Variants in VPS54 observed in about 807,000 individuals in gnomAD.
VPS54 encodes VPS54 subunit of GARP complex.
A neutral mutation model predicts 121.5 loss-of-function variants in VPS54; 45 were observed. That is an observed-to-expected ratio of 0.37 (90% CI 0.29 to 0.47). The LOEUF is 0.47. VPS54 is among the 20% of genes least tolerant of loss of function. The pLI, the probability that VPS54 is intolerant of heterozygous loss-of-function variation, is 0.99. For missense variants in VPS54, 1,090 were observed against 1,131.4 expected, an observed-to-expected ratio of 0.96 and a Z score of 0.52; for synonymous variants, 371 against 385.8, an observed-to-expected ratio of 0.96 and a Z score of 0.45.
Position 63,921,340 on chromosome 2 carries a change from A to G in VPS54, c.1740-5T>C, listed in dbSNP as rs370054292. 2 of 1,610,556 alleles carry G rather than the reference A, an allele frequency of 1.2e-6. No individual in the cohort carries two copies. Among genetic ancestry groups the G allele is most frequent in the Non-Finnish European group, 1.7e-6 (2 of 1,178,150 alleles). On this transcript the variant is annotated splice_polypyrimidine_tract_variant and splice_region_variant and intron_variant, in intron 12 of 22. Transcript: ENST00000272322. ...AATTTCATATCTTCACTGACCCTGA[A>G]AATAACAAAATAAGATTTAGTCAGG...
At position 63,893,027 on chromosome 2, in the gene VPS54, T is replaced by C. The variant is rs1672289310; in HGVS notation, c.*403A>G. 1 of 159,210 alleles carries C rather than the reference T, an allele frequency of 6.3e-6. No individual in the cohort carries two copies. The allele number at this position is 159,210 out of a possible 1,614,324, so 9.9% of individuals were successfully genotyped here. ...TTGACTAAGATTTTAAATTGTACCA[T>C]CATTAAATAAGGTGGGACACCATAT... On this transcript the variant is annotated 3_prime_UTR_variant, in exon 23 of 23. Coordinates refer to ENST00000272322, the MANE Select transcript of VPS54 (RefSeq NM_016516.3).
At chr2:64,008,252 A>C (rs1281147525) in intron 1 of VPS54, among the ~76,000 whole-genome samples, 1 of 152,046 alleles carries the variant, frequency 6.6e-6, no homozygotes, top group Non-Finnish European at 1.5e-5. Context: ...ATCTCTACAA[A>C]AAATACGAAA....
At chr2:64,002,781 T>C (rs1346532655) in intron 1 of VPS54, among the ~76,000 whole-genome samples, 1 of 152,224 alleles carries the variant, frequency 6.6e-6, no homozygotes, top group Non-Finnish European at 1.5e-5. Context: ...TTAATTCTTA[T>C]AACAAGAGGG....
At chr2:64,008,384 A>G (rs1447550068) in intron 1 of VPS54, among the ~76,000 whole-genome samples, 1 of 150,336 alleles carries the variant, frequency 6.7e-6, no homozygotes, top group Non-Finnish European at 1.5e-5. Flanking sequence ...ATTGAACTCC[A>G]GCCTGGGTGA....
chr2:64,008,509 A>G (rs920669240), intron 1 of VPS54, among the ~76,000 whole-genome samples: 1 of 152,046 alleles, frequency 6.6e-6, no homozygotes, highest in Non-Finnish European at 1.5e-5. Context: ...GGAAAAGGAG[A>G]GGCAAAGTGA....
At chr2:63,934,169 G>T (rs1674348093) in intron 11 of VPS54, among the ~76,000 whole-genome samples, 156 bp from the exon 12 acceptor site, 1 of 152,098 alleles carries the variant, frequency 6.6e-6, no homozygotes. Context: ...TATTACATAG[G>T]AAAAGTGATG....
At chr2:63,948,707 C>G (rs143272340) in intron 8 of VPS54, among the ~76,000 whole-genome samples, 1 of 152,118 alleles carries the variant, frequency 6.6e-6, no homozygotes, top group African/African-American at 2.4e-5. Context: ...CAACTATGAT[C>G]ACTTTTTATA....
At chr2:63,914,493 T>C (rs1294646609) in intron 16 of VPS54, among the ~76,000 whole-genome samples, 1 of 152,158 alleles carries the variant, frequency 6.6e-6, no homozygotes, top group Admixed American at 6.5e-5. Flanking sequence ...GAATGCAAAA[T>C]TTAAAGAGGC....
At chr2:63,944,782 T>C (rs1169708438) in intron 9 of VPS54, 127 bp from the exon 10 acceptor site, 2 of 687,898 alleles carry the variant, frequency 2.9e-6, no homozygotes, top group Non-Finnish European at 4.8e-6. Flanking sequence ...AAAAAGGACA[T>C]ACATGTGGCC....
Position 63,957,761 on chromosome 2 carries a change from C to T in VPS54, c.1010+4297G>A, listed in dbSNP as rs574162761. Reference sequence around the variant, plus strand: ...AAATGTATGTAGGAAGATGCTACCACTTTAATTACAAATCATGAAAAAGTT... The same window carrying T: ...AAATGTATGTAGGAAGATGCTACCATTTTAATTACAAATCATGAAAAAGTT... On this transcript the variant is annotated intron_variant, in intron 7 of 22. Transcript: ENST00000272322. 1.1e-4 allele frequency among the ~76,000 whole-genome samples: 16 copies of T among 152,264 alleles called. No homozygotes were observed. In the East Asian group the frequency reaches 2.9e-3, roughly 28 times the overall value.
At chr2:63,983,717 C>G (rs938455566) in intron 2 of VPS54, 147 bp downstream of exon 2, 7 of 985,634 alleles carry the variant, frequency 7.1e-6, no homozygotes, top group Non-Finnish European at 9.9e-6. Flanking sequence ...GCTGGGATTA[C>G]AGGCGTGAGC....
At chr2:64,001,665 A>G (rs762343094) in intron 1 of VPS54, among the ~76,000 whole-genome samples, 2 of 152,056 alleles carry the variant, frequency 1.3e-5, no homozygotes, top group Non-Finnish European at 2.9e-5. Context: ...AATGTTATCC[A>G]GGAGCTAGGG....
Position 63,899,587 on chromosome 2 carries a change from A to AG in VPS54, c.2626-7dup. The AG allele has an allele frequency of 6.8e-6, 11 of 1,608,424 alleles. No individual in the cohort carries two copies. Among genetic ancestry groups the AG allele is most frequent in the Non-Finnish European group, 9.4e-6 (11 of 1,176,270 alleles). On this transcript the variant is annotated splice_region_variant and splice_polypyrimidine_tract_variant and intron_variant, in intron 20 of 22. Coordinates refer to ENST00000272322, the MANE Select transcript of VPS54 (RefSeq NM_016516.3). Reference sequence around the variant, plus strand: ...ACAGGAGCCTTCACTTCATACTGGTAGGAAAAAATAATGAGAATTATGTTC... The same window carrying AG: ...ACAGGAGCCTTCACTTCATACTGGTAGGGAAAAAATAATGAGAATTATGTTC...
intron 11 of VPS54, among the ~76,000 whole-genome samples, chr2:63,935,260 T>C (rs1472900338): frequency 6.6e-6 from 1 of 152,172 alleles, no homozygotes; most frequent in Non-Finnish European, 1.5e-5. Context: ...GTGTTTCCTG[T>C]TATTTGGAAC....
rs1673232630 is a variant in VPS54, at chr2:63,913,292, A to G, written c.2353T>C (p.Cys785Arg). Residue 785 changes from cysteine (C) to arginine (R), a missense_variant, in exon 18 of 23, where the codon TGC becomes CGC. By Grantham distance (180) the Cys-to-Arg change is radical. Coordinates refer to ENST00000272322, the MANE Select transcript of VPS54 (RefSeq NM_016516.3). ...DLLKYFNSRS[C>R]QLVLGAGALQ... ...GCACCAGCTCCAAGAACTAACTGGC[A>G]ACTTCTTGAATTGAAGTACTAACAA... The G allele has an allele frequency of 6.2e-7, 1 of 1,610,998 alleles. No homozygotes were observed. The highest frequency in any genetic ancestry group is 1.1e-5 in the South Asian group (1 of 90,428).
intron 1 of VPS54, among the ~76,000 whole-genome samples, chr2:64,010,007 A>C (rs1559057372): frequency 6.6e-6 from 1 of 151,624 alleles, no homozygotes; most frequent in Non-Finnish European, 1.5e-5. Flanking sequence ...TTGCCTGCCT[A>C]ATTTTCGTAT....
chr2:63,957,269 T>C (rs112599600), intron 7 of VPS54, among the ~76,000 whole-genome samples: 19,692 of 151,644 alleles, frequency 0.13, 1,427 homozygotes, highest in Middle Eastern at 0.21. Context: ...GGTGAAACCC[T>C]GTCTCTACTA....
intron 1 of VPS54, among the ~76,000 whole-genome samples, chr2:64,009,342 G>C (rs372234277): frequency 7.2e-5 from 11 of 152,000 alleles, no homozygotes; most frequent in African/African-American, 2.2e-4. Context: ...TTGAGATGGA[G>C]TCTCGCTGTG....
chr2:63,942,046 A>G (rs1261720879), intron 11 of VPS54, among the ~76,000 whole-genome samples: 1 of 151,632 alleles, frequency 6.6e-6, no homozygotes, highest in African/African-American at 2.4e-5. Flanking sequence ...AAAAAAAAAA[A>G]AAAAGTAAAT....
Sources: gnomAD v4.1 joint callset for allele counts (sites outside exome capture counted in the v4.1 genomes callset) on GRCh38, gnomAD v4.1.1 for gene constraint, MANE v1.5 for transcripts, NCBI Gene and HGNC (gene_info 2026-07-23, HGNC 2026-07-21) for gene names.